Variants in TMC1 observed in about 807,000 individuals in gnomAD.
TMC1 encodes the protein transmembrane channel-like protein 1.
TMC1 carries 84 observed loss-of-function variants against 105.8 expected under a neutral mutation model. That is an observed-to-expected ratio of 0.79 (90% CI 0.67 to 0.95). The LOEUF (loss-of-function observed/expected upper bound fraction) is 0.95, where lower values mean the gene tolerates loss of function less well. Among genes scored for constraint, TMC1 ranks in the 40% least tolerant of loss-of-function variants. TMC1 has a pLI of 0.00. For synonymous variants in TMC1, 315 were observed against 311.5 expected (o/e 1.01, Z -0.12); for missense variants, 817 against 914.1 (o/e 0.89, Z 1.37).
rs1564530897 is a variant in TMC1 at position 72,751,868 on chromosome 9, T to C, written c.554T>C (p.Val185Ala). The C allele has an allele frequency of 6.2e-7, 1 of 1,612,238 alleles. No homozygotes were observed. Residue 185 changes from valine (V) to alanine (A), a missense_variant, in exon 11 of 24, where the codon GTG becomes GCG. Coordinates refer to ENST00000297784, the MANE Select transcript of TMC1 (RefSeq NM_138691.3). ...KAIESQFGSS[V>A]ASYFLFLRWM... ...GTAATAGGTCAGTTTGGCTCCTCAG[T>C]GGCCTCATACTTCCTCTTCTTGAGA...
chr9:72,566,498 C>T (rs1221384536), intron 1 of TMC1, among the ~76,000 whole-genome samples: 2 of 152,070 alleles, frequency 1.3e-5, no homozygotes, highest in African/African-American at 2.4e-5. Flanking sequence ...GAGGAAAGGC[C>T]ACTGTTTCAG....
chr9:72,576,539 T>C lies in TMC1; in HGVS notation c.-427-1363T>C, dbSNP rs559816613. On this transcript the variant is annotated intron_variant, in intron 1 of 23. Coordinates refer to ENST00000297784, the MANE Select transcript of TMC1 (RefSeq NM_138691.3). ...TGTACACAGAGCTGGGATGTCAAGA[T>C]GAATCAGTTACATTTCCTGCCCAAT... 1.5e-4 allele frequency among the ~76,000 whole-genome samples: 23 copies of C among 152,076 alleles called. 1 individual carries two copies. The highest frequency in any genetic ancestry group is 5.5e-4 in the African/African-American group (23 of 41,488).
chr9:72,787,493 G>A (rs886452732), intron 13 of TMC1, among the ~76,000 whole-genome samples: 16 of 151,766 alleles, frequency 1.1e-4, no homozygotes, highest in Admixed American at 6.6e-5. Flanking sequence ...AAAACCTTAT[G>A]GGACCATTTT....
At chr9:72,538,407 G>A (rs1823620370) in intron 1 of TMC1, among the ~76,000 whole-genome samples, 1 of 141,666 alleles carries the variant, frequency 7.1e-6, no homozygotes, top group East Asian at 2.0e-4. Context: ...GTATTGTATT[G>A]TATTGTATTG....
At chr9:72,623,147 GT>G (rs1162181237) in intron 3 of TMC1, among the ~76,000 whole-genome samples, 12,794 of 113,600 alleles carry the variant, frequency 0.11, 533 homozygotes, top group Non-Finnish European at 0.13. Context: ...CTCTCTCCCT[GT>G]TTTTTTTTTT....
Position 72,708,129 on chromosome 9 carries a change from A to G in TMC1, c.362+7486A>G, listed in dbSNP as rs377205417. 6.8e-4 allele frequency among the ~76,000 whole-genome samples: 104 copies of G among 152,222 alleles called. No individual in the cohort carries two copies. In the South Asian group the frequency reaches 8.9e-3, roughly 13 times the overall value. On this transcript the variant is annotated intron_variant, in intron 8 of 23. Transcript: ENST00000297784. Reference sequence around the variant, plus strand: ...TTCTATTCCATTGGTCTATGTGCCTATTTTTATACCAGTAGCCTGCTGTTT... The same window carrying G: ...TTCTATTCCATTGGTCTATGTGCCTGTTTTTATACCAGTAGCCTGCTGTTT...
intron 23 of TMC1, among the ~76,000 whole-genome samples, chr9:72,831,320 C>T (rs1374414503): frequency 1.3e-5 from 2 of 152,100 alleles, no homozygotes; most frequent in African/African-American, 4.8e-5. Flanking sequence ...ACTGTTTCCC[C>T]ACTGTAAGTA....
chr9:72,820,029 A>T (rs1445221281), intron 19 of TMC1, among the ~76,000 whole-genome samples: 1 of 152,234 alleles, frequency 6.6e-6, no homozygotes, highest in East Asian at 1.9e-4. Flanking sequence ...GTAGTATTTT[A>T]AAATGCTTAT....
intron 5 of TMC1, chr9:72,651,023 C>G (rs2132152409): frequency 6.9e-6 from 1 of 145,822 alleles, no homozygotes; most frequent in South Asian, 2.1e-4. Context: ...TAATCTCGTT[C>G]TTGTTTTATG....
intron 12 of TMC1, among the ~76,000 whole-genome samples, chr9:72,769,560 A>G (rs990184156): frequency 2.6e-5 from 4 of 152,134 alleles, no homozygotes; most frequent in African/African-American, 9.7e-5. Context: ...CCGAGGCTAG[A>G]GTGAGGCAGT....
chr9:72,788,380 A>C lies in TMC1; in HGVS notation c.926A>C (p.Asn309Thr). The change falls in exon 14 of 24, where the codon AAC (asparagine) becomes ACC (threonine). Residue 309 changes from asparagine to threonine, a missense_variant. Transcript: ENST00000297784. ...NIGDDGGGDD[N>T]TFNFSWKVFT... is the part of the protein sequence containing the mutation. ...GGTGATGATGGAGGTGGAGATGACA[A>C]CACTTTCAATTTCAGCTGGAAGGTC... 1.2e-6 allele frequency: 2 copies of C among 1,614,058 alleles called. No individual in the cohort carries two copies. The highest frequency in any genetic ancestry group is 1.7e-6 in the Non-Finnish European group (2 of 1,179,960).
At chr9:72,555,973 CAAAAAAAAAAA>C (rs59431883) in intron 1 of TMC1, among the ~76,000 whole-genome samples, 8 of 42,578 alleles carry the variant, frequency 1.9e-4, no homozygotes, top group East Asian at 1.0e-3. Context: ...ATGACTAAGG[CAAAAAAAAAAA>C]AAAAAAAAAA....
At chr9:72,772,609 A>G in intron 13 of TMC1, 54 bp downstream of exon 13, 1 of 1,608,680 alleles carries the variant, frequency 6.2e-7, no homozygotes, top group Non-Finnish European at 8.5e-7. Context: ...AATCAAATGG[A>G]GGGATTAATT....
intron 1 of TMC1, among the ~76,000 whole-genome samples, chr9:72,570,018 A>G (rs954365523): frequency 1.3e-5 from 2 of 152,142 alleles, no homozygotes; most frequent in African/African-American, 4.8e-5. Flanking sequence ...TGATGGCAAC[A>G]TTCATCTTGA....
intron 12 of TMC1, among the ~76,000 whole-genome samples, chr9:72,766,286 G>A (rs1044129325): frequency 4.6e-5 from 7 of 151,906 alleles, no homozygotes; most frequent in Non-Finnish European, 8.8e-5. Flanking sequence ...GCGTGGTGGC[G>A]GGTGCCTGTA....
intron 4 of TMC1, among the ~76,000 whole-genome samples, chr9:72,647,512 T>C (rs965002505): frequency 1.3e-5 from 2 of 152,210 alleles, no homozygotes; most frequent in African/African-American, 4.8e-5. Flanking sequence ...CTTAAGTTAA[T>C]TAAGTACTCT....
intron 1 of TMC1, among the ~76,000 whole-genome samples, chr9:72,541,776 A>G (rs905975491): frequency 2.0e-5 from 3 of 152,098 alleles, no homozygotes; most frequent in East Asian, 3.8e-4. Flanking sequence ...GAAAATTTCC[A>G]GATCAACGGC....
At chr9:72,549,857 C>T (rs1252145070) in intron 1 of TMC1, among the ~76,000 whole-genome samples, 1 of 151,756 alleles carries the variant, frequency 6.6e-6, no homozygotes, top group Non-Finnish European at 1.5e-5. Flanking sequence ...CGTGATCCAC[C>T]CACCTTGGCC....
At chr9:72,770,448 T>A (rs1241940156) in intron 12 of TMC1, among the ~76,000 whole-genome samples, 2 of 144,192 alleles carry the variant, frequency 1.4e-5, no homozygotes, top group African/African-American at 5.1e-5. Flanking sequence ...AGACGGGGTC[T>A]CACTTTGTCA....
Sources: allele counts gnomAD v4.1 joint callset (sites outside exome capture counted in the v4.1 genomes callset), GRCh38; gene constraint gnomAD v4.1.1; transcripts MANE v1.5; gene names NCBI Gene and HGNC (gene_info 2026-07-23, HGNC 2026-07-21).